Variants in MTUS2 observed in about 807,000 individuals in gnomAD.
MTUS2 encodes the protein microtubule-associated tumor suppressor candidate 2.
A neutral mutation model predicts 114.1 loss-of-function variants in MTUS2; 40 were observed. That is an observed-to-expected ratio of 0.35 (90% confidence interval 0.27 to 0.46). The LOEUF is 0.46. Among genes scored for constraint, MTUS2 ranks in the 20% least tolerant of loss-of-function variants. The pLI is 1.00. For synonymous variants in MTUS2, 688 were observed against 672.0 expected (o/e 1.02, Z -0.37); for missense variants, 1,679 against 1,705.4 (o/e 0.98, Z 0.27).
At chr13:29,143,974 TTA>T (rs1892329055) in intron 5 of MTUS2, among the ~76,000 whole-genome samples, 1 of 152,216 alleles carries the variant, frequency 6.6e-6, no homozygotes, top group African/African-American at 2.4e-5. Flanking sequence ...AGTGCCATAT[TTA>T]TTTATTCATT....
rs1566162956 is a variant in MTUS2 at position 29,375,527 on chromosome 13, ATATATATATACGTG to A, written c.3117+16065_3117+16078del. Reference sequence around the variant, plus strand: ...TTGCACCAGCCTACTATATATATATATATATATATACGTGTATATATATATATATACGTATATAT... The same window carrying A: ...TTGCACCAGCCTACTATATATATATATATATATATATATATACGTATATAT... On this transcript the variant is annotated intron_variant, in intron 8 of 15. Transcript: ENST00000612955. 3.6e-4 allele frequency among the ~76,000 whole-genome samples: 2 copies of A among 5,520 alleles called. 1 individual carries two copies. The highest frequency in any genetic ancestry group is 5.8e-4 in the African/African-American group (2 of 3,458). 3.6% of individuals were successfully genotyped at this position (5,520 alleles called of 152,430 possible). A position where few individuals can be genotyped will look rare whatever the true frequency, so the allele number is the denominator to read the frequency against.
rs56192034 is a variant in MTUS2 at position 29,350,960 on chromosome 13, C to CATATATATATATATATATAT, written c.2906-8297_2906-8278dup. Among the ~76,000 whole-genome samples, 736 of 128,496 alleles carry CATATATATATATATATATAT rather than the reference C, an allele frequency of 5.7e-3. 23 individuals are homozygous for CATATATATATATATATATAT. The highest frequency in any genetic ancestry group is 8.3e-3 in the Non-Finnish European group (486 of 58,574). 84.3% of individuals were successfully genotyped at this position (128,496 alleles called of 152,430 possible). A position where few individuals can be genotyped will look rare whatever the true frequency, so the allele number is the denominator to read the frequency against. On this transcript the variant is annotated intron_variant, in intron 7 of 15. Coordinates refer to ENST00000612955, the MANE Select transcript of MTUS2 (RefSeq NM_001033602.4). ...TAGGAATTAGGGCATATATATATTTCATATATATATATATATATATATATC... is the reference window on the plus strand; with the variant it reads ...TAGGAATTAGGGCATATATATATTTCATATATATATATATATATATATATATATATATATATATATATATC...
intron 3 of MTUS2, among the ~76,000 whole-genome samples, chr13:29,030,280 C>A (rs552396524): frequency 6.6e-6 from 1 of 152,282 alleles, no homozygotes; most frequent in South Asian, 2.1e-4. Context: ...TTCAGAGAGA[C>A]CCCACTGGTG....
chr13:29,390,868 T>C (rs945494749), intron 8 of MTUS2, among the ~76,000 whole-genome samples: 1 of 149,112 alleles, frequency 6.7e-6, no homozygotes, highest in Non-Finnish European at 1.5e-5. Context: ...CTGCAACCTC[T>C]GCCTCCCAGG....
At chr13:29,281,297 CT>C (rs1898255607) in intron 5 of MTUS2, among the ~76,000 whole-genome samples, 1 of 152,128 alleles carries the variant, frequency 6.6e-6, no homozygotes, top group Non-Finnish European at 1.5e-5. Context: ...GTCACTCACG[CT>C]GTATTTCAAA....
At chr13:28,988,231 T>G (rs921221694) in intron 2 of MTUS2, among the ~76,000 whole-genome samples, 4 of 152,136 alleles carry the variant, frequency 2.6e-5, no homozygotes, top group African/African-American at 9.7e-5. Context: ...AAATTAGGGG[T>G]GTGAGGATAC....
At chr13:29,088,491 C>G (rs1024709970) in intron 4 of MTUS2, among the ~76,000 whole-genome samples, 6 of 152,078 alleles carry the variant, frequency 3.9e-5, no homozygotes, top group African/African-American at 1.2e-4. Flanking sequence ...CCTGTTAGGT[C>G]CATTTGTTCA....
In MTUS2 at chr13:29,205,156, G is replaced by C. The variant is rs549120628; in HGVS notation, c.2645-76548G>C. Among the ~76,000 whole-genome samples, 8 of 152,312 alleles carry C rather than the reference G, an allele frequency of 5.3e-5. No individual in the cohort carries two copies. The South Asian group carries it at 1.7e-3, about 32-fold the overall frequency. ...TGTGAAAATGAACACAATAAACTTG[G>C]ATGCTCTTTCAAAGAAAAACAAATC... On this transcript the variant is annotated intron_variant, in intron 5 of 15. Coordinates refer to ENST00000612955, the MANE Select transcript of MTUS2 (RefSeq NM_001033602.4).
chr13:29,281,647 G>A, intron 5 of MTUS2, 57 bp from the exon 6 acceptor site: 3 of 1,515,746 alleles, frequency 2.0e-6, no homozygotes, highest in Non-Finnish European at 2.7e-6. Flanking sequence ...TGCAAATGGT[G>A]AGGGCTCCAT....
intron 5 of MTUS2, among the ~76,000 whole-genome samples, chr13:29,199,449 A>T (rs1291622549): frequency 6.6e-6 from 1 of 152,192 alleles, no homozygotes; most frequent in Non-Finnish European, 1.5e-5. Context: ...TGAGATAATC[A>T]TGTGGTTTTT....
intron 8 of MTUS2, among the ~76,000 whole-genome samples, chr13:29,425,624 G>A (rs1390521965): frequency 6.6e-6 from 1 of 152,158 alleles, no homozygotes; most frequent in Non-Finnish European, 1.5e-5. Flanking sequence ...ATAGGGATAT[G>A]AAGACCTTTG....
chr13:29,308,900 A>AACAAT (rs1349323725), intron 6 of MTUS2, among the ~76,000 whole-genome samples: 1 of 149,342 alleles, frequency 6.7e-6, no homozygotes, highest in Non-Finnish European at 1.5e-5. Context: ...AACAAAACAA[A>AACAAT]ACAGGTGCTG....
intron 6 of MTUS2, among the ~76,000 whole-genome samples, chr13:29,319,963 G>A (rs1900184220): frequency 2.6e-5 from 4 of 152,190 alleles, no homozygotes; most frequent in East Asian, 3.8e-4. Context: ...TCGTCATTGA[G>A]CCATTCAGTT....
intron 7 of MTUS2, among the ~76,000 whole-genome samples, chr13:29,342,041 T>C (rs969969316): frequency 5.3e-5 from 8 of 152,226 alleles, no homozygotes; most frequent in Admixed American, 3.9e-4. Context: ...CATGCTGTTT[T>C]GGTGACTGTA....
chr13:29,040,083 A>G (rs138502127), intron 4 of MTUS2, among the ~76,000 whole-genome samples: 6 of 152,332 alleles, frequency 3.9e-5, no homozygotes, highest in South Asian at 2.1e-4. Flanking sequence ...AGCAGTGTAC[A>G]CTGCACCTGA....
At chr13:29,083,277 G>C (rs920754386) in intron 4 of MTUS2, among the ~76,000 whole-genome samples, 2 of 152,126 alleles carry the variant, frequency 1.3e-5, no homozygotes, top group African/African-American at 4.8e-5. Context: ...CGAGTGTGTC[G>C]AATGTCGAAT....
At chr13:29,495,176 C>T (rs1160931099) in intron 12 of MTUS2, among the ~76,000 whole-genome samples, 8 of 109,204 alleles carry the variant, frequency 7.3e-5, no homozygotes, top group Non-Finnish European at 1.3e-4. Context: ...AGCAAAACTC[C>T]GTCTCAAAAA....
intron 2 of MTUS2, among the ~76,000 whole-genome samples, chr13:28,849,050 G>A (rs1247536313): frequency 6.6e-6 from 1 of 152,198 alleles, no homozygotes; most frequent in Admixed American, 6.5e-5. Flanking sequence ...CAGATGAATA[G>A]TTTCGATGAT....
chr13:29,206,459 T>A (rs1470735586), intron 5 of MTUS2, among the ~76,000 whole-genome samples: 1 of 152,154 alleles, frequency 6.6e-6, no homozygotes, highest in African/African-American at 2.4e-5. Context: ...TGCTTTTGGG[T>A]TCGTAGTCAT....
Sources: gnomAD v4.1 joint callset for allele counts (sites outside exome capture counted in the v4.1 genomes callset) on GRCh38, gnomAD v4.1.1 for gene constraint, MANE v1.5 for transcripts, NCBI Gene and HGNC (gene_info 2026-07-23, HGNC 2026-07-21) for gene names.